CRTC3: variants seen among roughly 807,000 people sequenced by gnomAD.
The protein encoded by CRTC3 is CREB regulated transcription coactivator 3.
Under a neutral mutation model 74.5 loss-of-function variants are expected in CRTC3, and 26 were observed. The observed-to-expected ratio is 0.35, with a 90% CI of 0.26 to 0.48. CRTC3 has a LOEUF of 0.48. Among genes scored for constraint, CRTC3 ranks in the 20% least tolerant of loss-of-function variants. The pLI, the probability that CRTC3 is intolerant of heterozygous loss-of-function variation, is 0.99. For missense variants in CRTC3, 760 were observed against 787.3 expected, an observed-to-expected ratio of 0.97 and a Z score of 0.41; for synonymous variants, 377 against 325.8, an observed-to-expected ratio of 1.16 and a Z score of -1.69.
chr15:90,617,826 C>A, intron 7 of CRTC3, 57 bp from the exon 8 acceptor site: 2 of 1,212,762 alleles, frequency 1.6e-6, no homozygotes, highest in Non-Finnish European at 2.4e-6. Context: ...CCACCGTGCC[C>A]GGCCTGGATT....
intron 2 of CRTC3, among the ~76,000 whole-genome samples, chr15:90,590,107 A>G (rs1321867344): frequency 6.6e-6 from 1 of 151,988 alleles, no homozygotes; most frequent in Admixed American, 6.6e-5. Context: ...TCTGGCCAAC[A>G]TGGTGAATCC....
chr15:90,546,866 A>C (rs879794004), intron 2 of CRTC3, among the ~76,000 whole-genome samples: 1 of 151,786 alleles, frequency 6.6e-6, no homozygotes, highest in African/African-American at 2.4e-5. Context: ...CTCGTGATCC[A>C]CCCGCCTCGG....
At chr15:90,629,717 A>C (rs1784566964) in intron 11 of CRTC3, among the ~76,000 whole-genome samples, 185 bp downstream of exon 11, 1 of 152,146 alleles carries the variant, frequency 6.6e-6, no homozygotes, top group Non-Finnish European at 1.5e-5. Context: ...TGCAGAATGA[A>C]TTCATGATTT....
chr15:90,565,032 T>C (rs372949831), intron 2 of CRTC3, among the ~76,000 whole-genome samples: 1 of 152,154 alleles, frequency 6.6e-6, no homozygotes, highest in South Asian at 2.1e-4. Flanking sequence ...AACCTCTGCC[T>C]CCCGGGTTCA....
At chr15:90,534,916 T>A (rs961884227) in intron 1 of CRTC3, among the ~76,000 whole-genome samples, 7 of 152,072 alleles carry the variant, frequency 4.6e-5, no homozygotes, top group African/African-American at 1.4e-4. Flanking sequence ...TCCCAGCACT[T>A]TGGGAGACCA....
intron 11 of CRTC3, among the ~76,000 whole-genome samples, chr15:90,631,961 C>T (rs139606374): frequency 3.3e-5 from 5 of 151,530 alleles, no homozygotes; most frequent in South Asian, 2.1e-4. Flanking sequence ...AGTGCAGTGG[C>T]GCGATCACAG....
At position 90,642,476 on chromosome 15, in the gene CRTC3, G is replaced by A. The variant is rs966712428; in HGVS notation, c.*336G>A. 9 of 433,772 alleles carry A rather than the reference G, an allele frequency of 2.1e-5. No homozygotes were observed. The highest frequency in any genetic ancestry group is 1.6e-4 in the African/African-American group (8 of 51,080). 26.9% of individuals were successfully genotyped at this position (433,772 alleles called of 1,614,324 possible). On this transcript the variant is annotated 3_prime_UTR_variant, in exon 15 of 15. Coordinates refer to ENST00000268184, the MANE Select transcript of CRTC3 (RefSeq NM_022769.5). ...GAGTAGGAAATACTGTGTCACTGGA[G>A]GCCTCCGTAGCATTGTGTAGTGTGC... is the stretch of plus-strand genomic sequence containing the variant.
chr15:90,628,276 C>T (rs1968912861), intron 10 of CRTC3, among the ~76,000 whole-genome samples: 1 of 152,006 alleles, frequency 6.6e-6, no homozygotes, highest in Non-Finnish European at 1.5e-5. Context: ...GGATTTTTGT[C>T]ATTTCTTCCT....
At chr15:90,567,157 C>T (rs1031629110) in intron 2 of CRTC3, among the ~76,000 whole-genome samples, 3 of 152,056 alleles carry the variant, frequency 2.0e-5, no homozygotes, top group Admixed American at 1.3e-4. Context: ...TCAAAATCAA[C>T]GCTTATTACC....
intron 11 of CRTC3, among the ~76,000 whole-genome samples, chr15:90,636,746 T>C (rs1460984338): frequency 7.2e-5 from 11 of 152,156 alleles, no homozygotes; most frequent in Admixed American, 1.3e-4. Context: ...GGGCGAAGGA[T>C]ATGAACAGAC....
chr15:90,587,183 T>C (rs1452070010), intron 2 of CRTC3, among the ~76,000 whole-genome samples: 2 of 152,236 alleles, frequency 1.3e-5, no homozygotes, highest in African/African-American at 2.4e-5. Context: ...CATCCCAGGC[T>C]GCAGCTTTCA....
intron 2 of CRTC3, among the ~76,000 whole-genome samples, chr15:90,566,551 T>TA (rs71154113): frequency 0.04 from 5,662 of 143,150 alleles, 346 homozygotes; most frequent in African/African-American, 0.13. Context: ...CTCTGTCTAT[T>TA]AAAAAAAAAA....
chr15:90,553,704 G>C (rs1966868326), intron 2 of CRTC3, among the ~76,000 whole-genome samples: 1 of 152,150 alleles, frequency 6.6e-6, no homozygotes, highest in East Asian at 1.9e-4. Context: ...AATTGTTCAT[G>C]CAGTGGAGGG....
Position 90,645,215 on chromosome 15 carries a change from T to A in CRTC3, c.*3075T>A, listed in dbSNP as rs1231414099. The A allele has an allele frequency of 3.9e-5, 9 of 229,464 alleles. No individual in the cohort carries two copies. The East Asian group carries it at 5.6e-4, about 14-fold the overall frequency. The allele number at this position is 229,464 out of a possible 1,614,324, so 14.2% of individuals were successfully genotyped here. A position where few individuals can be genotyped will look rare whatever the true frequency, so the allele number is the denominator to read the frequency against. ...CAACTAATCAGACTTCCTGCCAGTG[T>A]CCTAACCCCCAGGGCACCCTGTTCA... is the stretch of plus-strand genomic sequence containing the variant. On this transcript the variant is annotated 3_prime_UTR_variant, in exon 15 of 15. Transcript: ENST00000268184.
At chr15:90,542,728 G>T (rs550478074) in intron 2 of CRTC3, among the ~76,000 whole-genome samples, 1 of 152,324 alleles carries the variant, frequency 6.6e-6, no homozygotes, top group East Asian at 1.9e-4. Flanking sequence ...ATTGCCTGCA[G>T]TCTCCTTCAG....
At chr15:90,550,161 G>A (rs915662756) in intron 2 of CRTC3, among the ~76,000 whole-genome samples, 4 of 150,612 alleles carry the variant, frequency 2.7e-5, no homozygotes, top group South Asian at 2.1e-4. Context: ...GAGTGTGGTG[G>A]CTCACGCCTG....
In CRTC3 at chr15:90,643,014, C is replaced by T. The variant is rs1969504497; in HGVS notation, c.*874C>T. 1.7e-5 allele frequency: 4 copies of T among 232,666 alleles called. No individual in the cohort carries two copies. The highest frequency in any genetic ancestry group is 3.4e-5 in the Non-Finnish European group (4 of 117,700). 14.4% of individuals were successfully genotyped at this position (232,666 alleles called of 1,614,324 possible). A position where few individuals can be genotyped will look rare whatever the true frequency, so the allele number is the denominator to read the frequency against. On this transcript the variant is annotated 3_prime_UTR_variant, in exon 15 of 15. Coordinates refer to ENST00000268184, the MANE Select transcript of CRTC3 (RefSeq NM_022769.5). Reference sequence around the variant, plus strand: ...GAGGGAGCTGGTGAGGCCCTAACCCCACCCACCGAGCAACTGAGCTTCCCC... The same window carrying T: ...GAGGGAGCTGGTGAGGCCCTAACCCTACCCACCGAGCAACTGAGCTTCCCC...
At chr15:90,601,853 C>T (rs76636237) in intron 3 of CRTC3, among the ~76,000 whole-genome samples, 5,588 of 152,236 alleles carry the variant, frequency 0.037, 207 homozygotes, top group East Asian at 0.12. Context: ...CAGGTTCAGA[C>T]GGCCCTTGGG....
intron 10 of CRTC3, 107 bp from the exon 11 acceptor site, chr15:90,629,127 C>T: frequency 1.8e-6 from 2 of 1,092,076 alleles, no homozygotes; most frequent in East Asian, 2.6e-5. Context: ...GCTCCTTTAC[C>T]TACAGAATCA....
Sources: gnomAD v4.1 joint callset for allele counts (sites outside exome capture counted in the v4.1 genomes callset) on GRCh38, gnomAD v4.1.1 for gene constraint, MANE v1.5 for transcripts, NCBI Gene and HGNC (gene_info 2026-07-23, HGNC 2026-07-21) for gene names.